C12orf56: variants seen among roughly 807,000 people sequenced by gnomAD.
C12orf56 encodes the protein chromosome 12 open reading frame 56, also known as uncharacterized protein C12orf56.
A neutral mutation model predicts 69.9 loss-of-function variants in C12orf56; 71 were observed. The ratio of observed to expected loss-of-function variants is 1.02; its 90% CI spans 0.84 to 1.24. C12orf56 has a LOEUF of 1.24. Ranked by LOEUF, C12orf56 falls within the 50% of genes most tolerant of loss-of-function variation. C12orf56 has a pLI of 0.00. For missense variants in C12orf56, 732 were observed against 738.5 expected (o/e 0.99, Z 0.10); for synonymous variants, 276 against 274.1 (o/e 1.01, Z -0.07).
intron 5 of C12orf56, among the ~76,000 whole-genome samples, chr12:64,304,917 G>A (rs142302436): frequency 9.5e-4 from 145 of 152,264 alleles, no homozygotes; most frequent in African/African-American, 3.3e-3. Flanking sequence ...CATGTTCTAT[G>A]TAGATTGATG....
chr12:64,315,800 G>A (rs571805533), intron 4 of C12orf56, among the ~76,000 whole-genome samples: 2 of 152,040 alleles, frequency 1.3e-5, no homozygotes, highest in South Asian at 2.1e-4. Flanking sequence ...GGATGGTGGC[G>A]CATGCTTGTA....
chr12:64,312,237 G>T (rs1437168288), intron 5 of C12orf56, among the ~76,000 whole-genome samples: 1 of 152,178 alleles, frequency 6.6e-6, no homozygotes, highest in Non-Finnish European at 1.5e-5. Context: ...ACCTGTGTTT[G>T]CAGACTTAAC....
chr12:64,272,014 A>AT, intron 11 of C12orf56, among the ~76,000 whole-genome samples: 1 of 152,298 alleles, frequency 6.6e-6, no homozygotes, highest in African/African-American at 2.4e-5. Flanking sequence ...GACTAGCCTC[A>AT]TACTCAACCC....
Position 64,388,583 on chromosome 12 carries a change from A to T in C12orf56, c.252+1731T>A, listed in dbSNP as rs555670883. Among the ~76,000 whole-genome samples, 64 of 152,292 alleles carry T rather than the reference A, an allele frequency of 4.2e-4. No individual in the cohort carries two copies. The East Asian group carries it at 9.8e-3, about 23-fold the overall frequency. On this transcript the variant is annotated intron_variant, in intron 1 of 12. Coordinates refer to ENST00000543942, the MANE Select transcript of C12orf56 (RefSeq NM_001170633.2). ...CACTTAGTAAAGGAAATTTAAATTA[A>T]AAAAAAATTTAGTTCAAGGCCAGGT...
intron 11 of C12orf56, among the ~76,000 whole-genome samples, chr12:64,272,366 G>A (rs1181738970): frequency 2.6e-5 from 4 of 151,854 alleles, no homozygotes; most frequent in South Asian, 2.1e-4. Flanking sequence ...TTAGCCAGTC[G>A]TGGTGGCAGG....
chr12:64,369,181 G>T (rs1386900815), intron 1 of C12orf56, among the ~76,000 whole-genome samples: 14 of 150,038 alleles, frequency 9.3e-5, no homozygotes, highest in Non-Finnish European at 1.8e-4. Context: ...AGAATACTTA[G>T]GTAAAAATAA....
Position 64,318,912 on chromosome 12 carries a change from A to T in C12orf56, c.557T>A (p.Leu186Gln). 6.5e-7 allele frequency: 1 copy of T among 1,537,066 alleles called. No individual in the cohort carries two copies. Among genetic ancestry groups the T allele is most frequent in the Non-Finnish European group, 8.7e-7 (1 of 1,146,808 alleles). ...AAAGGCACCTTGGCCATGAAGGGAC[A>T]GCTTTTTGAGGCCTGGACGAGGACA... ...TLCPRPGLKK[L>Q]SLHGQGAFRP... The change falls in exon 4 of 13, where the codon CTG (leucine) becomes CAG (glutamine). Residue 186 changes from leucine (L) to glutamine (Q), a missense_variant. Leu to Gln is a moderately radical substitution (Grantham distance 113). Transcript: ENST00000543942.
chr12:64,285,964 C>A lies in C12orf56; in HGVS notation c.1210G>T (p.Asp404Tyr), dbSNP rs1489845765. The A allele has an allele frequency of 6.3e-7, 1 of 1,595,334 alleles. No individual in the cohort carries two copies. The highest frequency in any genetic ancestry group is 1.3e-5 in the African/African-American group (1 of 74,128). Reference sequence around the variant, plus strand: ...CTAGTTAGTACTTACACCAGCTCATCAACCCTTTGGCTTTGATTTTGTAGT... The same window carrying A: ...CTAGTTAGTACTTACACCAGCTCATAAACCCTTTGGCTTTGATTTTGTAGT... ...NALQNQSQRV[D>Y]ELVACIEIIQ... The change falls in exon 7 of 13, where the codon GAT (aspartate) becomes TAT (tyrosine). Residue 404 changes from aspartate to tyrosine, a missense_variant. Asp to Tyr is a radical substitution (Grantham distance 160, BLOSUM62 -3). Transcript: ENST00000543942.
At chr12:64,307,001 T>C (rs550184295) in intron 5 of C12orf56, among the ~76,000 whole-genome samples, 58 of 152,308 alleles carry the variant, frequency 3.8e-4, no homozygotes, top group African/African-American at 1.3e-3. Context: ...AGGAATTAAC[T>C]TAGTAATAAA....
intron 2 of C12orf56, among the ~76,000 whole-genome samples, chr12:64,339,080 T>G (rs2039036758): frequency 6.6e-6 from 1 of 152,220 alleles, no homozygotes; most frequent in Non-Finnish European, 1.5e-5. Flanking sequence ...ACTCTACAAT[T>G]TATCATTCTT....
intron 5 of C12orf56, among the ~76,000 whole-genome samples, chr12:64,312,372 C>G (rs1464958896): frequency 1.3e-5 from 2 of 152,060 alleles, no homozygotes; most frequent in African/African-American, 4.8e-5. Context: ...TTTGGGAGGC[C>G]AAGGCAGGAG....
At chr12:64,272,584 A>AAAT (rs1565732923) in intron 11 of C12orf56, among the ~76,000 whole-genome samples, 3 of 61,916 alleles carry the variant, frequency 4.8e-5, no homozygotes, top group East Asian at 2.6e-4. Context: ...TAAAAATAAA[A>AAAT]AAATAAATAA....
chr12:64,374,923 G>A lies in C12orf56; in HGVS notation c.252+15391C>T, dbSNP rs188824001. ...ATTAGGTTGGTGCAAACATAATTGC[G>A]GTTTTTGCATTGTTGAAATTTGCTG... is the stretch of plus-strand genomic sequence containing the variant. On this transcript the variant is annotated intron_variant, in intron 1 of 12. Coordinates refer to ENST00000543942, the MANE Select transcript of C12orf56 (RefSeq NM_001170633.2). Among the ~76,000 whole-genome samples, 675 of 152,122 alleles carry A rather than the reference G, an allele frequency of 4.4e-3. 4 individuals carry two copies. Among genetic ancestry groups the A allele is most frequent in the Non-Finnish European group, 7.1e-3 (481 of 68,004 alleles).
At chr12:64,370,315 A>T (rs1015167181) in intron 1 of C12orf56, among the ~76,000 whole-genome samples, 7 of 151,658 alleles carry the variant, frequency 4.6e-5, no homozygotes, top group African/African-American at 1.7e-4. Context: ...ACTATACTCC[A>T]GCCTGGGTGA....
At chr12:64,268,709 A>G (rs1396336691) in intron 12 of C12orf56, among the ~76,000 whole-genome samples, 2 of 152,156 alleles carry the variant, frequency 1.3e-5, no homozygotes, top group Non-Finnish European at 2.9e-5. Context: ...ACTATGTGAA[A>G]TTTACCTTAA....
rs1360647041 is a variant in C12orf56 at position 64,367,336 on chromosome 12, T to C, written c.253-14280A>G. 1.7e-4 allele frequency among the ~76,000 whole-genome samples: 21 copies of C among 122,140 alleles called. 2 individuals are homozygous for C. The highest frequency in any genetic ancestry group is 1.5e-3 in the South Asian group (6 of 3,978). The allele number at this position is 122,140 out of a possible 152,430, so 80.1% of individuals were successfully genotyped here. On this transcript the variant is annotated intron_variant, in intron 1 of 12. Transcript: ENST00000543942. The stretch of plus-strand genomic sequence containing the variant: ...AATATATAGCTTATATAATATACAG[T>C]TTATATATTATATTATATTATATTA...
At chr12:64,369,159 A>G (rs2135970908) in intron 1 of C12orf56, among the ~76,000 whole-genome samples, 1 of 150,232 alleles carries the variant, frequency 6.7e-6, no homozygotes, top group African/African-American at 2.4e-5. Flanking sequence ...TCTCTCTACA[A>G]AAAAAAAAAA....
At chr12:64,332,370 G>C (rs1385042322) in intron 2 of C12orf56, among the ~76,000 whole-genome samples, 1 of 150,566 alleles carries the variant, frequency 6.6e-6, no homozygotes. Context: ...TCTTAGGAGA[G>C]ACCCTAAAAA....
chr12:64,268,149 T>G (rs879657654), intron 12 of C12orf56, among the ~76,000 whole-genome samples: 1 of 152,186 alleles, frequency 6.6e-6, no homozygotes, highest in African/African-American at 2.4e-5. Context: ...TCCAATGCAA[T>G]GTGAGTTGAA....
Sources: allele counts gnomAD v4.1 joint callset (sites outside exome capture counted in the v4.1 genomes callset), GRCh38; gene constraint gnomAD v4.1.1; transcripts MANE v1.5; gene names NCBI Gene and HGNC (gene_info 2026-07-23, HGNC 2026-07-21).